The following HACE1 variants were observed in gnomAD, a reference collection of about 807,000 sequenced individuals.
HACE1 encodes HECT domain and ankyrin repeat containing E3 ubiquitin protein ligase 1, also known as E3 ubiquitin-protein ligase HACE1.
In HACE1, 73 loss-of-function variants were observed where a neutral mutation model predicts 118.4. The ratio of observed to expected loss-of-function variants is 0.62; its 90% confidence interval spans 0.51 to 0.75. The LOEUF is 0.75. Ranked by LOEUF, HACE1 falls within the 30% of genes least tolerant of loss-of-function variation. HACE1 has a pLI of 0.00. For synonymous variants in HACE1, 368 were observed against 374.8 expected (o/e 0.98, Z 0.21); for missense variants, 749 against 1,102.2 (o/e 0.68, Z 4.54).
intron 19 of HACE1, among the ~76,000 whole-genome samples, chr6:104,767,198 C>T (rs1780110700): frequency 6.6e-6 from 1 of 152,102 alleles, no homozygotes; most frequent in Non-Finnish European, 1.5e-5. Flanking sequence ...ATTATTATCA[C>T]TAAAAAACAG....
chr6:104,811,480 T>C (rs906720411), intron 6 of HACE1, 87 bp from the exon 7 acceptor site: 2 of 686,274 alleles, frequency 2.9e-6, no homozygotes, highest in Admixed American at 3.6e-5. Context: ...ATAAGGGAAG[T>C]TCTTCCCACA....
At chr6:104,853,299 T>A (rs1188749152) in intron 1 of HACE1, among the ~76,000 whole-genome samples, 2 of 152,208 alleles carry the variant, frequency 1.3e-5, no homozygotes, top group African/African-American at 4.8e-5. Context: ...GTCTGTGGTA[T>A]TGTTGTATCA....
At chr6:104,815,023 A>G (rs1043291274) in intron 6 of HACE1, among the ~76,000 whole-genome samples, 1 of 138,474 alleles carries the variant, frequency 7.2e-6, no homozygotes, top group Non-Finnish European at 1.6e-5. Context: ...CAGGAGTGGG[A>G]CACTCCTATA....
At chr6:104,773,259 T>C (rs1057170682) in intron 17 of HACE1, among the ~76,000 whole-genome samples, 7 of 152,046 alleles carry the variant, frequency 4.6e-5, no homozygotes, top group Non-Finnish European at 1.0e-4. Flanking sequence ...CCTAATGAAA[T>C]AGCATCAAAG....
intron 5 of HACE1, among the ~76,000 whole-genome samples, chr6:104,840,635 C>T (rs2115147848): frequency 6.6e-6 from 1 of 152,096 alleles, no homozygotes; most frequent in East Asian, 1.9e-4. Context: ...TCGAGATCAG[C>T]CTAGCTAACC....
intron 11 of HACE1, among the ~76,000 whole-genome samples, chr6:104,788,988 A>G (rs529991853): frequency 1.3e-5 from 2 of 152,290 alleles, no homozygotes; most frequent in African/African-American, 4.8e-5. Context: ...TACCTTGTTA[A>G]TGAAATGGAA....
chr6:104,796,630 C>A, intron 9 of HACE1, 25 bp downstream of exon 9: 1 of 1,075,136 alleles, frequency 9.3e-7, no homozygotes, highest in Admixed American at 1.7e-5. Context: ...TCTTCATTTA[C>A]AAGCTACTAT....
intron 7 of HACE1, among the ~76,000 whole-genome samples, chr6:104,799,456 G>A (rs1313370293): frequency 6.6e-6 from 1 of 152,080 alleles, no homozygotes; most frequent in African/African-American, 2.4e-5. Flanking sequence ...TCTCTCACCC[G>A]CTTCTGATTC....
intron 14 of HACE1, chr6:104,780,348 A>G (rs1345743069): frequency 1.3e-5 from 6 of 452,572 alleles, no homozygotes; most frequent in Non-Finnish European, 2.2e-5. Flanking sequence ...AACTTTCTAG[A>G]GTACCTGCAT....
At chr6:104,737,668 G>A (rs919521067) in intron 22 of HACE1, among the ~76,000 whole-genome samples, 35 of 152,310 alleles carry the variant, frequency 2.3e-4, no homozygotes, top group Admixed American at 1.1e-3. Context: ...CACCTGGCTC[G>A]GAGGGTCCTA....
Position 104,792,725 on chromosome 6 carries a change from C to A in HACE1, c.924-1071G>T, listed in dbSNP as rs368829052. Among the ~76,000 whole-genome samples, 104 of 152,298 alleles carry A rather than the reference C, an allele frequency of 6.8e-4. 3 individuals are homozygous for A. In the South Asian group the frequency reaches 0.016, roughly 23 times the overall value. On this transcript the variant is annotated intron_variant, in intron 10 of 23. Transcript: ENST00000262903. ...AGGATGCTGGCAAACTGAAAAACTG[C>A]ATCTGCCACCCAGAAGGAATGCTGA...
rs552191293 is a variant in HACE1 at position 104,846,621 on chromosome 6, CA to C, written c.326+2520del. On this transcript the variant is annotated intron_variant, in intron 4 of 23. Coordinates refer to ENST00000262903, the MANE Select transcript of HACE1 (RefSeq NM_020771.4). Reference sequence around the variant, plus strand: ...CTAAAGCAAGCCAAGAGAAATATAGCAGCCATCTGATGACAGCTGAGGGAAC... The same window carrying C: ...CTAAAGCAAGCCAAGAGAAATATAGCGCCATCTGATGACAGCTGAGGGAAC... Among the ~76,000 whole-genome samples the C allele has an allele frequency of 2.2e-3, 333 of 152,274 alleles. 1 individual carries two copies. Among genetic ancestry groups the C allele is most frequent in the Non-Finnish European group, 3.9e-3 (265 of 68,018 alleles).
At chr6:104,807,490 T>G (rs1771138584) in intron 7 of HACE1, among the ~76,000 whole-genome samples, 1 of 152,196 alleles carries the variant, frequency 6.6e-6, no homozygotes, top group Non-Finnish European at 1.5e-5. Context: ...TCTATACAAC[T>G]CTAACTAAAC....
At chr6:104,819,513 G>A (rs1231171818) in intron 6 of HACE1, among the ~76,000 whole-genome samples, 1 of 152,170 alleles carries the variant, frequency 6.6e-6, no homozygotes, top group Admixed American at 6.5e-5. Flanking sequence ...TACAATTGAT[G>A]TTCTTCACAG....
intron 16 of HACE1, 71 bp from the exon 17 acceptor site, chr6:104,776,899 A>G (rs1305554200): frequency 3.0e-6 from 4 of 1,324,134 alleles, no homozygotes; most frequent in Non-Finnish European, 4.3e-6. Context: ...CTAAATAACA[A>G]AATTTAAATA....
chr6:104,735,604 C>T (rs1041991497), intron 22 of HACE1, among the ~76,000 whole-genome samples: 4 of 151,706 alleles, frequency 2.6e-5, no homozygotes, highest in South Asian at 4.2e-4. Context: ...GCACTCCAGC[C>T]TGGACGACAG....
At chr6:104,742,596 T>G (rs1776891380) in intron 22 of HACE1, among the ~76,000 whole-genome samples, 1 of 151,268 alleles carries the variant, frequency 6.6e-6, no homozygotes, top group Admixed American at 6.6e-5. Context: ...GAAATGCAAA[T>G]CAAAACCACA....
intron 1 of HACE1, among the ~76,000 whole-genome samples, chr6:104,853,795 A>C (rs1273756243): frequency 6.6e-6 from 1 of 152,232 alleles, no homozygotes; most frequent in East Asian, 1.9e-4. Context: ...TTTGCAGTAC[A>C]GCAGTCCCCA....
At chr6:104,834,301 C>A (rs1441313404) in intron 5 of HACE1, among the ~76,000 whole-genome samples, 1 of 152,118 alleles carries the variant, frequency 6.6e-6, no homozygotes, top group African/African-American at 2.4e-5. Flanking sequence ...TTTCTTTTCC[C>A]AGAAGCAAAC....
Sources: allele counts gnomAD v4.1 joint callset (sites outside exome capture counted in the v4.1 genomes callset), GRCh38; gene constraint gnomAD v4.1.1; transcripts MANE v1.5; gene names NCBI Gene and HGNC (gene_info 2026-07-23, HGNC 2026-07-21).